Variants in NELL2 observed in about 807,000 individuals in gnomAD.
NELL2 encodes the protein neural EGFL like 2.
A neutral mutation model predicts 109.6 loss-of-function variants in NELL2; 41 were observed. That is an observed-to-expected ratio of 0.37 (90% CI 0.29 to 0.49). NELL2 has a LOEUF of 0.49. Among genes scored for constraint, NELL2 ranks in the 20% least tolerant of loss-of-function variants. The pLI, the probability that NELL2 is intolerant of heterozygous loss-of-function variation, is 0.98. For synonymous variants in NELL2, 355 were observed against 344.7 expected, an observed-to-expected ratio of 1.03 and a Z score of -0.33; for missense variants, 900 against 1,008.3, an observed-to-expected ratio of 0.89 and a Z score of 1.45.
At chr12:44,638,162 A>G (rs924904058) in intron 13 of NELL2, among the ~76,000 whole-genome samples, 1 of 152,086 alleles carries the variant, frequency 6.6e-6, no homozygotes, top group African/African-American at 2.4e-5. Context: ...AACTCCTGAA[A>G]CATCCCTTCC....
intron 13 of NELL2, among the ~76,000 whole-genome samples, chr12:44,627,737 A>G (rs1723199635): frequency 6.6e-6 from 1 of 151,802 alleles, no homozygotes; most frequent in South Asian, 2.1e-4. Flanking sequence ...TCCCATTCTA[A>G]GACTGGATTA....
At chr12:44,824,807 T>C (rs937270450) in intron 2 of NELL2, among the ~76,000 whole-genome samples, 12 of 151,124 alleles carry the variant, frequency 7.9e-5, no homozygotes, top group Admixed American at 1.3e-4. Flanking sequence ...GCCTCCCGGG[T>C]TCACGCCATT....
chr12:44,887,828 T>C (rs1347252722), intron 1 of NELL2, among the ~76,000 whole-genome samples: 1 of 152,060 alleles, frequency 6.6e-6, no homozygotes, highest in Non-Finnish European at 1.5e-5. Context: ...GCAGAAGATT[T>C]TTAGCTTGAT....
rs55697809 is a variant in NELL2, at chr12:44,791,082, C to CATAT, written c.336-11064_336-11061dup. On this transcript the variant is annotated intron_variant, in intron 3 of 19. Transcript: ENST00000429094. ...AAGTTCAAGTATATATATATATATACATATATATATATATGTATATATATA... is the reference window on the plus strand; with the variant it reads ...AAGTTCAAGTATATATATATATATACATATATATATATATATATGTATATATATA... Among the ~76,000 whole-genome samples the CATAT allele has an allele frequency of 1.6e-3, 83 of 52,000 alleles. 7 individuals are homozygous for CATAT. In the South Asian group the frequency reaches 0.033, roughly 21 times the overall value. 34.1% of individuals were successfully genotyped at this position (52,000 alleles called of 152,430 possible). A position where few individuals can be genotyped will look rare whatever the true frequency, so the allele number is the denominator to read the frequency against.
intron 15 of NELL2, among the ~76,000 whole-genome samples, chr12:44,562,401 C>A (rs1042019633): frequency 3.3e-5 from 5 of 152,056 alleles, no homozygotes; most frequent in Non-Finnish European, 7.4e-5. Flanking sequence ...GGGAGAAAAT[C>A]TTTGCAATCT....
At chr12:44,531,671 TAA>T (rs1370333492) in intron 16 of NELL2, among the ~76,000 whole-genome samples, 1 of 152,206 alleles carries the variant, frequency 6.6e-6, no homozygotes, top group Non-Finnish European at 1.5e-5. Flanking sequence ...GGCACAAGGA[TAA>T]AAAACATCTT....
intron 13 of NELL2, among the ~76,000 whole-genome samples, chr12:44,634,284 T>C (rs1946558744): frequency 6.6e-6 from 1 of 152,182 alleles, no homozygotes; most frequent in African/African-American, 2.4e-5. Context: ...CAACCCGTCA[T>C]CTACATTAGG....
chr12:44,789,572 ACCC>A (rs1942306559), intron 3 of NELL2, among the ~76,000 whole-genome samples: 1 of 151,794 alleles, frequency 6.6e-6, no homozygotes, highest in African/African-American at 2.4e-5. Flanking sequence ...GCTCTTTAAC[ACCC>A]CCCAAAAATC....
intron 13 of NELL2, among the ~76,000 whole-genome samples, chr12:44,630,128 G>T (rs546991043): frequency 6.6e-6 from 1 of 152,228 alleles, no homozygotes; most frequent in Non-Finnish European, 1.5e-5. Context: ...TAATTAAGAA[G>T]ACTTGATATG....
chr12:44,720,727 T>C (rs931887108), intron 9 of NELL2, among the ~76,000 whole-genome samples: 1 of 152,220 alleles, frequency 6.6e-6, no homozygotes. Flanking sequence ...GAATTAGACA[T>C]GATCCTGCCC....
chr12:44,617,934 C>G (rs1410970681), intron 13 of NELL2, among the ~76,000 whole-genome samples: 1 of 151,994 alleles, frequency 6.6e-6, no homozygotes, highest in Non-Finnish European at 1.5e-5. Context: ...TTTCTGAAAT[C>G]AAATCTATTT....
At chr12:44,513,285 TA>T (rs1941083148) in intron 19 of NELL2, among the ~76,000 whole-genome samples, 1 of 151,940 alleles carries the variant, frequency 6.6e-6, no homozygotes, top group African/African-American at 2.4e-5. Context: ...GCTAATAATT[TA>T]CAACCTGCTA....
chr12:44,842,921 C>A (rs538800828), intron 2 of NELL2, among the ~76,000 whole-genome samples: 59 of 152,250 alleles, frequency 3.9e-4, no homozygotes, highest in Admixed American at 3.5e-3. Flanking sequence ...CAGGAGCCAG[C>A]AGAAGCTAGG....
At chr12:44,765,650 G>A (rs115208996) in intron 9 of NELL2, among the ~76,000 whole-genome samples, 4,413 of 152,270 alleles carry the variant, frequency 0.029, 195 homozygotes, top group African/African-American at 0.097. Context: ...TATGTTACCA[G>A]CTTAACATTC....
intron 12 of NELL2, among the ~76,000 whole-genome samples, chr12:44,694,625 A>T (rs1388297134): frequency 6.6e-6 from 1 of 151,504 alleles, no homozygotes. Flanking sequence ...TTATTTAAGA[A>T]ATTCTACCAT....
At chr12:44,743,674 A>C (rs540711212) in intron 9 of NELL2, among the ~76,000 whole-genome samples, 1 of 152,222 alleles carries the variant, frequency 6.6e-6, no homozygotes, top group Non-Finnish European at 1.5e-5. Context: ...AACAGACTTT[A>C]AACCAACAAA....
intron 9 of NELL2, among the ~76,000 whole-genome samples, chr12:44,717,260 T>TA (rs1239530463): frequency 6.6e-6 from 1 of 152,076 alleles, no homozygotes; most frequent in African/African-American, 2.4e-5. Flanking sequence ...CAAGGAATCA[T>TA]AAAAATGCCA....
chr12:44,849,174 C>CA, intron 2 of NELL2, among the ~76,000 whole-genome samples: 1 of 151,966 alleles, frequency 6.6e-6, no homozygotes. Flanking sequence ...AACCACAAAA[C>CA]AAAAAATAAT....
At chr12:44,553,148 T>C (rs1430202027) in intron 15 of NELL2, among the ~76,000 whole-genome samples, 14 of 145,328 alleles carry the variant, frequency 9.6e-5, no homozygotes, top group South Asian at 9.3e-4. Flanking sequence ...AGGGATAGCA[T>C]TGGGAGATAT....
Sources: allele counts gnomAD v4.1 joint callset (sites outside exome capture counted in the v4.1 genomes callset), GRCh38; gene constraint gnomAD v4.1.1; transcripts MANE v1.5; gene names NCBI Gene and HGNC (gene_info 2026-07-23, HGNC 2026-07-21).